The following KIFAP3 variants were observed in gnomAD, a reference collection of about 807,000 sequenced individuals.
The protein encoded by KIFAP3 is kinesin-associated protein 3.
In KIFAP3, 68 loss-of-function variants were observed where a neutral mutation model predicts 106.5. The ratio of observed to expected loss-of-function variants is 0.64; its 90% CI spans 0.53 to 0.78. The LOEUF is 0.78. Ranked by LOEUF, KIFAP3 falls within the 30% of genes least tolerant of loss-of-function variation. The probability of loss-of-function intolerance (pLI) is 0.00; values close to 1 mark genes in which losing one functional copy is unlikely to be tolerated. For missense variants in KIFAP3, 780 were observed against 941.8 expected, an observed-to-expected ratio of 0.83 and a Z score of 2.25; for synonymous variants, 320 against 311.5, an observed-to-expected ratio of 1.03 and a Z score of -0.29.
chr1:170,008,202 G>A (rs1668067695), intron 10 of KIFAP3, among the ~76,000 whole-genome samples: 1 of 151,634 alleles, frequency 6.6e-6, no homozygotes, highest in Non-Finnish European at 1.5e-5. Context: ...TCAGGACATA[G>A]ACATGGGCAA....
At chr1:169,945,956 T>C (rs1470895474) in intron 19 of KIFAP3, among the ~76,000 whole-genome samples, 1 of 152,198 alleles carries the variant, frequency 6.6e-6, no homozygotes, top group Non-Finnish European at 1.5e-5. Flanking sequence ...AAATCATTAG[T>C]GTCCAAGCAG....
chr1:170,046,491 A>G (rs7521273), intron 3 of KIFAP3, among the ~76,000 whole-genome samples: 24,970 of 152,190 alleles, frequency 0.16, 2,212 homozygotes, highest in Middle Eastern at 0.22. Context: ...AAAACATGAA[A>G]AAGAATTAGA....
intron 10 of KIFAP3, among the ~76,000 whole-genome samples, chr1:169,999,565 G>A (rs1667555978): frequency 6.6e-6 from 1 of 151,894 alleles, no homozygotes; most frequent in Non-Finnish European, 1.5e-5. Context: ...ATAAGGGCAG[G>A]GTAGAAAAAA....
intron 9 of KIFAP3, among the ~76,000 whole-genome samples, chr1:170,023,780 A>C (rs1668974329): frequency 1.3e-5 from 2 of 152,084 alleles, no homozygotes; most frequent in Non-Finnish European, 2.9e-5. Flanking sequence ...TATATGCTCA[A>C]CTTGTATTTT....
At chr1:169,950,634 T>A (rs1031779930) in intron 19 of KIFAP3, among the ~76,000 whole-genome samples, 2 of 152,122 alleles carry the variant, frequency 1.3e-5, no homozygotes, top group African/African-American at 4.8e-5. Flanking sequence ...ATGTTGTCCA[T>A]TAAGTCTGCT....
At chr1:170,005,696 G>A (rs76193879) in intron 10 of KIFAP3, among the ~76,000 whole-genome samples, 2 of 125,296 alleles carry the variant, frequency 1.6e-5, no homozygotes, top group Admixed American at 8.9e-5. Flanking sequence ...ATCACACACC[G>A]GGAACTGTTG....
At chr1:170,077,599 T>C (rs948036270), upstream of KIFAP3, among the ~76,000 whole-genome samples, 6 of 152,352 alleles carry the variant, frequency 3.9e-5, no homozygotes, top group African/African-American at 1.4e-4. Context: ...CATGCATTCT[T>C]CTTGGCCTAC....
intron 3 of KIFAP3, among the ~76,000 whole-genome samples, chr1:170,042,143 T>C (rs559976023): frequency 1.5e-4 from 23 of 152,338 alleles, no homozygotes; most frequent in Admixed American, 3.3e-4. Flanking sequence ...TTGTTATGCG[T>C]ATATTGTAAT....
intron 10 of KIFAP3, among the ~76,000 whole-genome samples, chr1:170,015,307 G>A (rs1339662258): frequency 6.6e-6 from 1 of 152,116 alleles, no homozygotes; most frequent in African/African-American, 2.4e-5. Flanking sequence ...TGACCTAATA[G>A]GTGACACATA....
At chr1:170,080,040 A>G (rs1170708801) in intron 1 of KIFAP3, among the ~76,000 whole-genome samples, 1 of 152,148 alleles carries the variant, frequency 6.6e-6, no homozygotes, top group African/African-American at 2.4e-5. Flanking sequence ...TTTGATTTAC[A>G]AATAAAAAGC....
chr1:169,954,118 G>GA lies in KIFAP3; in HGVS notation c.2174-9dup, dbSNP rs556269298. On this transcript the variant is annotated splice_polypyrimidine_tract_variant and intron_variant, in intron 18 of 19. Transcript: ENST00000361580. ...CAGAGGCAATTAATCCATCTAGAAAGAAAAAAAAATGGTAACCAGTAAAAC... is the reference window on the plus strand; with the variant it reads ...CAGAGGCAATTAATCCATCTAGAAAGAAAAAAAAAATGGTAACCAGTAAAAC... 1.3e-3 allele frequency: 1,961 copies of GA among 1,516,742 alleles called. No homozygotes were observed. Among genetic ancestry groups the GA allele is most frequent in the African/African-American group, 3.2e-3 (230 of 70,900 alleles). The allele number at this position is 1,516,742 out of a possible 1,614,324, so 94.0% of individuals were successfully genotyped here.
At chr1:169,987,755 A>G (rs953118149) in intron 11 of KIFAP3, among the ~76,000 whole-genome samples, 3 of 152,130 alleles carry the variant, frequency 2.0e-5, no homozygotes, top group Non-Finnish European at 4.4e-5. Context: ...AAAATATTAA[A>G]TAACACCATG....
chr1:170,021,235 A>C (rs1668798366), intron 9 of KIFAP3, among the ~76,000 whole-genome samples: 1 of 152,046 alleles, frequency 6.6e-6, no homozygotes, highest in African/African-American at 2.4e-5. Flanking sequence ...TAAAATAAAC[A>C]CTTTATTTAA....
chr1:170,039,316 A>G, intron 3 of KIFAP3, 28 bp from the exon 4 acceptor site: 2 of 1,360,108 alleles, frequency 1.5e-6, no homozygotes, highest in Non-Finnish European at 2.1e-6. Flanking sequence ...TTTAATAAGG[A>G]GACTTAGGTT....
intron 10 of KIFAP3, among the ~76,000 whole-genome samples, chr1:169,999,404 G>A (rs889476313): frequency 2.6e-5 from 4 of 152,008 alleles, no homozygotes; most frequent in Non-Finnish European, 4.4e-5. Context: ...ATTCCCTAAC[G>A]GCATCCCAAG....
intron 17 of KIFAP3, among the ~76,000 whole-genome samples, chr1:169,964,603 C>T (rs956550769): frequency 2.0e-4 from 31 of 152,186 alleles, no homozygotes; most frequent in African/African-American, 6.7e-4. Context: ...ATTATCCTAT[C>T]GTATTCTCAA....
Position 170,046,846 on chromosome 1 carries a change from T to C in KIFAP3, c.185A>G (p.Asn62Ser), listed in dbSNP as rs146666861. 1.4e-4 allele frequency: 219 copies of C among 1,605,898 alleles called. 1 individual carries two copies. The highest frequency in any genetic ancestry group is 8.3e-4 in the Middle Eastern group (5 of 6,056). Reference protein sequence around the residue: ...CQKIIRLKSLNANTDITSLAR... With the variant: ...CQKIIRLKSLSANTDITSLAR... ...CAGGGAAGTTATATCTGTGTTGGCATTGAGACTCTTAAGTCGAATGCTGTA... is the reference window on the plus strand; with the variant it reads ...CAGGGAAGTTATATCTGTGTTGGCACTGAGACTCTTAAGTCGAATGCTGTA... The change falls in exon 3 of 20, where the codon AAT becomes AGT. Residue 62 changes from asparagine to serine, a missense_variant. Physicochemically the swap from Asn to Ser is conservative, Grantham distance 46. Transcript: ENST00000361580.
At chr1:169,955,678 T>C (rs1022255631) in intron 18 of KIFAP3, among the ~76,000 whole-genome samples, 3 of 152,184 alleles carry the variant, frequency 2.0e-5, no homozygotes, top group South Asian at 2.1e-4. Context: ...TTACACATCA[T>C]ATATTAATGA....
chr1:169,984,928 A>G (rs1337045177), intron 11 of KIFAP3, among the ~76,000 whole-genome samples: 1 of 151,880 alleles, frequency 6.6e-6, no homozygotes, highest in African/African-American at 2.4e-5. Context: ...AGTGGAGAAT[A>G]TAAGAGAAAT....
Sources: allele counts gnomAD v4.1 joint callset (sites outside exome capture counted in the v4.1 genomes callset), GRCh38; gene constraint gnomAD v4.1.1; transcripts MANE v1.5; gene names NCBI Gene and HGNC (gene_info 2026-07-23, HGNC 2026-07-21).